The following ZFYVE26 variants were observed in gnomAD, a reference collection of about 807,000 sequenced individuals.
ZFYVE26 encodes zinc finger FYVE domain-containing protein 26.
A neutral mutation model predicts 276.5 loss-of-function variants in ZFYVE26; 181 were observed. That is an observed-to-expected ratio of 0.65 (90% CI 0.58 to 0.74). The LOEUF (loss-of-function observed/expected upper bound fraction) is 0.74. ZFYVE26 is among the 30% of genes least tolerant of loss of function. ZFYVE26 has a pLI of 0.00. For missense variants in ZFYVE26, 2,821 were observed against 3,097.9 expected, an observed-to-expected ratio of 0.91 and a Z score of 2.12; for synonymous variants, 1,129 against 1,203.1, an observed-to-expected ratio of 0.94 and a Z score of 1.27.
rs367803059 is a variant in ZFYVE26, at chr14:67,804,997, A to G, written c.1271+220T>C. Among the ~76,000 whole-genome samples the G allele has an allele frequency of 4.6e-5, 7 of 152,360 alleles. No homozygotes were observed. In the East Asian group the frequency reaches 1.3e-3, roughly 29 times the overall value. Reference sequence around the variant, plus strand: ...AGCTATTGTTCTTTTTGTTACTGTCATCCTAAAATTATCCTCCAGTTATGA... The same window carrying G: ...AGCTATTGTTCTTTTTGTTACTGTCGTCCTAAAATTATCCTCCAGTTATGA... On this transcript the variant is annotated intron_variant, in intron 8 of 41. Coordinates refer to ENST00000347230, the MANE Select transcript of ZFYVE26 (RefSeq NM_015346.4).
chr14:67,767,573 T>C, intron 31 of ZFYVE26, 131 bp downstream of exon 31: 2 of 1,234,602 alleles, frequency 1.6e-6, no homozygotes, highest in Non-Finnish European at 2.3e-6. Context: ...ATGGATTTAC[T>C]GGTTTAGCTC....
rs759606708 is a variant in ZFYVE26 at position 67,785,292 on chromosome 14, G to A, written c.3305-15C>T. ...AGTCCTGGGCTCTGAGAGGAGGATG[G>A]CAGGAGAAAGGACACAGGCTTCAGT... On this transcript the variant is annotated splice_polypyrimidine_tract_variant and intron_variant, in intron 18 of 41. Coordinates refer to ENST00000347230, the MANE Select transcript of ZFYVE26 (RefSeq NM_015346.4). 6.3e-7 allele frequency: 1 copy of A among 1,578,248 alleles called. No homozygotes were observed. Among genetic ancestry groups the A allele is most frequent in the African/African-American group, 1.4e-5 (1 of 73,876 alleles).
intron 27 of ZFYVE26, among the ~76,000 whole-genome samples, chr14:67,774,142 G>A (rs1040751007): frequency 3.9e-5 from 6 of 152,184 alleles, no homozygotes; most frequent in African/African-American, 1.4e-4. Context: ...AACACATGCG[G>A]TCATGAAAGT....
At position 67,752,222 on chromosome 14, in the gene ZFYVE26, T is replaced by C. The variant is rs549623843; in HGVS notation, c.7371+122A>G. On this transcript the variant is annotated intron_variant, in intron 40 of 41. Coordinates refer to ENST00000347230, the MANE Select transcript of ZFYVE26 (RefSeq NM_015346.4). ...TGGTGAGGCCATTATTGCAGAGGGG[T>C]TCAGAATGATAAAAGGATCTTGTAG... 7 of 1,304,166 alleles carry C rather than the reference T, an allele frequency of 5.4e-6. No homozygotes were observed. The South Asian group carries it at 7.7e-5, about 14-fold the overall frequency. 80.8% of individuals were successfully genotyped at this position (1,304,166 alleles called of 1,614,324 possible). A position where few individuals can be genotyped will look rare whatever the true frequency, so the allele number is the denominator to read the frequency against.
intron 21 of ZFYVE26, among the ~76,000 whole-genome samples, chr14:67,782,434 C>T (rs896038453): frequency 1.3e-5 from 2 of 152,204 alleles, no homozygotes; most frequent in African/African-American, 4.8e-5. Context: ...GTGCTGATCC[C>T]TATTTTAAAG....
chr14:67,768,548 A>C lies in ZFYVE26; in HGVS notation c.5622T>G (p.Asp1874Glu). Reference protein sequence around the residue: ...CDQCYSYCNKDVPEEPSEKPE... With the variant: ...CDQCYSYCNKEVPEEPSEKPE... ...GTTTTTCTGAAGGCTCCTCTGGTAC[A>C]CTGAAAACAGAGAAAGAAAAATTAT... Residue 1874 changes from aspartate to glutamate, a missense_variant and splice_region_variant, in exon 30 of 42, where the codon GAT becomes GAG. Coordinates refer to ENST00000347230, the MANE Select transcript of ZFYVE26 (RefSeq NM_015346.4). 6.2e-7 allele frequency: 1 copy of C among 1,614,120 alleles called. No individual in the cohort carries two copies. Among genetic ancestry groups the C allele is most frequent in the Non-Finnish European group, 8.5e-7 (1 of 1,179,966 alleles).
Position 67,748,373 on chromosome 14 carries a change from G to A in ZFYVE26, c.*63C>T. 2 of 1,549,514 alleles carry A rather than the reference G, an allele frequency of 1.3e-6. No homozygotes were observed. The highest frequency in any genetic ancestry group is 1.8e-6 in the Non-Finnish European group (2 of 1,135,060). On this transcript the variant is annotated 3_prime_UTR_variant, in exon 42 of 42. Coordinates refer to ENST00000347230, the MANE Select transcript of ZFYVE26 (RefSeq NM_015346.4). The stretch of plus-strand genomic sequence containing the variant: ...CTCCACTGGAGGAAAGAGGTGGAGG[G>A]CATCGCCATCACTGCTGTTGCCCAG...
chr14:67,801,037 G>T (rs1212674991), intron 10 of ZFYVE26, among the ~76,000 whole-genome samples: 1 of 152,086 alleles, frequency 6.6e-6, no homozygotes. Context: ...TGCATCACCT[G>T]ACGTCAGGAG....
downstream of ZFYVE26, among the ~76,000 whole-genome samples, chr14:67,744,659 C>A (rs917334792): frequency 2.6e-5 from 4 of 152,102 alleles, no homozygotes; most frequent in South Asian, 4.2e-4. Context: ...TGAGAACATG[C>A]GATGTTTCGT....
chr14:67,782,148 C>T (rs1212267335), intron 21 of ZFYVE26, among the ~76,000 whole-genome samples: 1 of 152,226 alleles, frequency 6.6e-6, no homozygotes, highest in Non-Finnish European at 1.5e-5. Context: ...TCATTCCCTA[C>T]ATCACACCCA....
chr14:67,772,194 A>C lies in ZFYVE26; in HGVS notation c.5337T>G (p.His1779Gln), dbSNP rs2039229226. 1 of 1,613,062 alleles carries C rather than the reference A, an allele frequency of 6.2e-7. No homozygotes were observed. The highest frequency in any genetic ancestry group is 1.3e-5 in the African/African-American group (1 of 74,916). The change falls in exon 28 of 42, where the codon CAT becomes CAG. Residue 1779 changes from histidine to glutamine, a missense_variant. Physicochemically the swap from His to Gln is conservative, Grantham distance 24. Coordinates refer to ENST00000347230, the MANE Select transcript of ZFYVE26 (RefSeq NM_015346.4). The stretch of plus-strand genomic sequence containing the variant: ...AACTCCTTTCCCTTAGACTAGGGGA[A>C]TGTATACTGGAGATACCTGGGAGGC... ...PAAPPGISSIHSPSLRERSFP... is the reference protein window; with the variant it reads ...PAAPPGISSIQSPSLRERSFP...
intron 3 of ZFYVE26, among the ~76,000 whole-genome samples, chr14:67,812,964 GCTCCTACTAGT>G (rs1566900924): frequency 6.6e-6 from 1 of 151,808 alleles, no homozygotes; most frequent in African/African-American, 2.4e-5. Flanking sequence ...CTTTCTTCTC[GCTCCTACTAGT>G]CTTTCTGTCA....
intron 35 of ZFYVE26, among the ~76,000 whole-genome samples, chr14:67,759,921 G>A (rs1447625656): frequency 1.3e-5 from 2 of 152,170 alleles, no homozygotes; most frequent in Admixed American, 1.3e-4. Context: ...GGGACAGAAT[G>A]TCTTCCATGC....
chr14:67,807,969 G>C, intron 4 of ZFYVE26, 49 bp from the exon 5 acceptor site: 1 of 1,606,250 alleles, frequency 6.2e-7, no homozygotes, highest in Non-Finnish European at 8.5e-7. Context: ...GCCTGGAATG[G>C]TATCACTTGT....
chr14:67,749,296 G>A (rs1368302309), intron 41 of ZFYVE26, among the ~76,000 whole-genome samples: 1 of 152,092 alleles, frequency 6.6e-6, no homozygotes, highest in Admixed American at 6.5e-5. Context: ...ACACACACAC[G>A]ATTGGAAAAA....
Position 67,784,314 on chromosome 14 carries a change from T to G in ZFYVE26, c.3626+20A>C, listed in dbSNP as rs2039591339. The G allele has an allele frequency of 6.2e-7, 1 of 1,604,448 alleles. No homozygotes were observed. Among genetic ancestry groups the G allele is most frequent in the African/African-American group, 1.3e-5 (1 of 74,714 alleles). On this transcript the variant is annotated intron_variant, in intron 20 of 41. Coordinates refer to ENST00000347230, the MANE Select transcript of ZFYVE26 (RefSeq NM_015346.4). ...ATCATCCGAAGGCCCATGGCTGACT[T>G]GCATGGAGGTGGCTCCTACCTCTCT... is the stretch of plus-strand genomic sequence containing the variant.
intron 38 of ZFYVE26, 61 bp from the exon 39 acceptor site, chr14:67,753,827 A>G: frequency 6.3e-7 from 1 of 1,577,070 alleles, no homozygotes; most frequent in Non-Finnish European, 8.7e-7. Flanking sequence ...ACTCTTGACC[A>G]AGAATGAAGG....
intron 35 of ZFYVE26, 35 bp downstream of exon 35, chr14:67,761,331 A>G (rs1348228944): frequency 6.3e-7 from 1 of 1,584,724 alleles, no homozygotes; most frequent in Non-Finnish European, 8.6e-7. Flanking sequence ...GGAGTAAGGC[A>G]GGCACTGCCT....
intron 32 of ZFYVE26, among the ~76,000 whole-genome samples, chr14:67,763,148 G>A (rs187863880): frequency 3.9e-5 from 6 of 152,162 alleles, no homozygotes; most frequent in African/African-American, 9.6e-5. Context: ...CAGGTGATCC[G>A]TCCACCTCGG....
Sources: gnomAD v4.1 joint callset for allele counts (sites outside exome capture counted in the v4.1 genomes callset) on GRCh38, gnomAD v4.1.1 for gene constraint, MANE v1.5 for transcripts, NCBI Gene and HGNC (gene_info 2026-07-23, HGNC 2026-07-21) for gene names.